The following TENM3 variants were observed in gnomAD, a reference collection of about 807,000 sequenced individuals.
The protein encoded by TENM3 is teneurin transmembrane protein 3.
In TENM3, 63 loss-of-function variants were observed where a neutral mutation model predicts 255.1. The ratio of observed to expected loss-of-function variants is 0.25; its 90% CI spans 0.20 to 0.30. The LOEUF is 0.30. Ranked by LOEUF, TENM3 falls within the 10% of genes least tolerant of loss-of-function variation. TENM3 has a pLI of 1.00. For missense variants in TENM3, 2,929 were observed against 3,461.1 expected (o/e 0.85, Z 3.86); for synonymous variants, 1,306 against 1,322.3 (o/e 0.99, Z 0.27).
At chr4:181,954,377 G>C in the TENM3 span, among the ~76,000 whole-genome samples, 1 of 152,102 alleles carries the variant, frequency 6.6e-6, no homozygotes, top group African/African-American at 2.4e-5. Flanking sequence ...GTATCACTTT[G>C]TATTCCTACC....
At chr4:181,935,661 C>T in the TENM3 span, among the ~76,000 whole-genome samples, 1 of 152,168 alleles carries the variant, frequency 6.6e-6, no homozygotes, top group African/African-American at 2.4e-5. Flanking sequence ...CTCTGCATGC[C>T]GGGCACTCCT....
At chr4:181,888,721 C>T in the TENM3 span, among the ~76,000 whole-genome samples, 8 of 148,944 alleles carry the variant, frequency 5.4e-5, no homozygotes, top group African/African-American at 1.5e-4. Context: ...CCAGGAAAGC[C>T]GGTGGTTCAG....
chr4:182,039,516 A>G, the TENM3 span, among the ~76,000 whole-genome samples: 13,654 of 152,208 alleles, frequency 0.09, 664 homozygotes, highest in East Asian at 0.15. Context: ...CCAAGGACAT[A>G]TATGCAGTAA....
At chr4:182,511,363 G>A (rs953745131) in intron 3 of TENM3, among the ~76,000 whole-genome samples, 1 of 152,162 alleles carries the variant, frequency 6.6e-6, no homozygotes, top group East Asian at 1.9e-4. Flanking sequence ...TTAGATGTCA[G>A]TGTATACTTA....
chr4:182,688,338 G>A lies in TENM3; in HGVS notation c.2208G>A (p.Glu736=). The A allele has an allele frequency of 6.2e-7, 1 of 1,610,732 alleles. No individual in the cohort carries two copies. The highest frequency in any genetic ancestry group is 8.5e-7 in the Non-Finnish European group (1 of 1,178,166). The change falls in exon 12 of 28, where the codon GAG becomes GAA. Residue 736 remains glutamate, a synonymous_variant. Transcript: ENST00000511685. ...KCECSQGWNG[E]HCTIEGCPGL... is the part of the protein sequence containing the mutation. ...AATGCAGCCAGGGCTGGAATGGAGA[G>A]CACTGCACTATCGGTAGGCTTACTG... is the stretch of plus-strand genomic sequence containing the variant.
intron 13 of TENM3, among the ~76,000 whole-genome samples, chr4:182,718,144 T>C (rs1241639555): frequency 6.6e-6 from 1 of 151,966 alleles, no homozygotes; most frequent in Non-Finnish European, 1.5e-5. Context: ...TGGTCTCACA[T>C]GTGAGACGTT....
the TENM3 span, among the ~76,000 whole-genome samples, chr4:182,056,386 T>C: frequency 6.6e-6 from 1 of 152,180 alleles, no homozygotes; most frequent in African/African-American, 2.4e-5. Context: ...TTATTTTCCT[T>C]GCTGTTTTCG....
the TENM3 span, among the ~76,000 whole-genome samples, chr4:181,598,262 A>G: frequency 1.3e-5 from 2 of 152,248 alleles, no homozygotes; most frequent in Non-Finnish European, 2.9e-5. Flanking sequence ...TTAATATCCC[A>G]TAGTATTTCT....
rs186916682 is a variant in TENM3 at position 182,640,732 on chromosome 4, C to T, written c.988+11843C>T. On this transcript the variant is annotated intron_variant, in intron 5 of 27. Coordinates refer to ENST00000511685, the MANE Select transcript of TENM3 (RefSeq NM_001080477.4). ...GGGCAAGTCTCCCAGGGATCAGAGA[C>T]TGCAGCTTCCTCTGTGTTTTGCTTT... Among the ~76,000 whole-genome samples the T allele has an allele frequency of 5.5e-3, 831 of 152,292 alleles. 27 individuals are homozygous for T. The highest frequency in any genetic ancestry group is 0.047 in the Admixed American group (724 of 15,294).
chr4:182,535,795 A>G (rs534490525), intron 3 of TENM3, among the ~76,000 whole-genome samples: 4 of 152,018 alleles, frequency 2.6e-5, no homozygotes, highest in Non-Finnish European at 5.9e-5. Context: ...GTAATGAATT[A>G]TGATAAACAT....
At chr4:182,078,966 T>C in the TENM3 span, among the ~76,000 whole-genome samples, 2 of 152,166 alleles carry the variant, frequency 1.3e-5, no homozygotes, top group Non-Finnish European at 2.9e-5. Flanking sequence ...TTTTGAGAGC[T>C]GGTCTTAATG....
chr4:181,511,816 C>T, the TENM3 span, among the ~76,000 whole-genome samples: 11 of 152,088 alleles, frequency 7.2e-5, no homozygotes, highest in East Asian at 1.6e-3. Flanking sequence ...AAAATGCCAG[C>T]GGGGTGTATC....
chr4:182,791,594 G>C (rs1450747456), intron 25 of TENM3, among the ~76,000 whole-genome samples: 3 of 152,192 alleles, frequency 2.0e-5, no homozygotes, highest in Non-Finnish European at 2.9e-5. Context: ...TCCACAGAAA[G>C]AAAAGGAGAT....
intron 16 of TENM3, among the ~76,000 whole-genome samples, chr4:182,732,020 A>G (rs1465855032): frequency 1.3e-5 from 2 of 151,822 alleles, no homozygotes; most frequent in Admixed American, 6.6e-5. Flanking sequence ...TGACCTCGTG[A>G]TCCGCCCACC....
the TENM3 span, among the ~76,000 whole-genome samples, chr4:181,526,555 T>G: frequency 6.6e-6 from 1 of 152,202 alleles, no homozygotes; most frequent in African/African-American, 2.4e-5. Flanking sequence ...ATCTTATCTA[T>G]CCATCTGGGG....
At chr4:181,506,300 A>T in the TENM3 span, among the ~76,000 whole-genome samples, 1 of 152,018 alleles carries the variant, frequency 6.6e-6, no homozygotes, top group South Asian at 2.1e-4. Context: ...TATTTCTTAG[A>T]AAAGAAAAAT....
At chr4:182,411,825 GC>G (rs1196846960) in intron 3 of TENM3, among the ~76,000 whole-genome samples, 1 of 152,118 alleles carries the variant, frequency 6.6e-6, no homozygotes, top group East Asian at 1.9e-4. Context: ...TACACCTTTT[GC>G]TTCTTCCTTG....
chr4:182,407,972 T>C (rs1769702205), intron 3 of TENM3, among the ~76,000 whole-genome samples: 1 of 152,236 alleles, frequency 6.6e-6, no homozygotes, highest in South Asian at 2.1e-4. Flanking sequence ...ATTTTATGTT[T>C]ATTCCAAACT....
At chr4:181,647,586 G>A in the TENM3 span, among the ~76,000 whole-genome samples, 2 of 152,082 alleles carry the variant, frequency 1.3e-5, no homozygotes, top group African/African-American at 4.8e-5. Flanking sequence ...ACAGCCGCAA[G>A]ATAAAACAAC....
Sources: allele counts gnomAD v4.1 joint callset (sites outside exome capture counted in the v4.1 genomes callset), GRCh38; gene constraint gnomAD v4.1.1; transcripts MANE v1.5; gene names NCBI Gene and HGNC (gene_info 2026-07-23, HGNC 2026-07-21).